The following KREMEN1 variants were observed in gnomAD, a reference collection of about 807,000 sequenced individuals.
KREMEN1 encodes the protein kremen protein 1.
Under a neutral mutation model 46.5 loss-of-function variants are expected in KREMEN1, and 30 were observed. That is an observed-to-expected ratio of 0.65 (90% CI 0.48 to 0.88). The LOEUF is 0.88. Among genes scored for constraint, KREMEN1 ranks in the 40% least tolerant of loss-of-function variants. The pLI, the probability that KREMEN1 is intolerant of heterozygous loss-of-function variation, is 0.00. For synonymous variants in KREMEN1, 214 were observed against 230.6 expected, an observed-to-expected ratio of 0.93 and a Z score of 0.65; for missense variants, 533 against 596.9, an observed-to-expected ratio of 0.89 and a Z score of 1.11.
At chr22:29,149,219 G>A (rs879377630), downstream of KREMEN1, among the ~76,000 whole-genome samples, 2 of 151,680 alleles carry the variant, frequency 1.3e-5, no homozygotes, top group Admixed American at 1.3e-4. Context: ...CTGGAGTGCA[G>A]TGGCGCTATT....
In KREMEN1 at chr22:29,137,444, C is replaced by T. The variant is rs2038681753; in HGVS notation, c.734C>T (p.Thr245Ile). Reference protein sequence around the residue: ...TYATGRVCYWTIRVPGASHIH... With the variant: ...TYATGRVCYWIIRVPGASHIH... ...GCCACGGGGAGGGTCTGCTACTGGA[C>T]CATCCGGGTTCCGGGGGCCTCCCAC... Residue 245 changes from threonine (T) to isoleucine (I), a missense_variant, in exon 6 of 9, where the codon ACC becomes ATC. Physicochemically the swap from Thr to Ile is moderately conservative, Grantham distance 89. Coordinates refer to ENST00000400335, the MANE Select transcript of KREMEN1 (RefSeq NM_001039570.3). 6.2e-7 allele frequency: 1 copy of T among 1,601,668 alleles called. No homozygotes were observed. The highest frequency in any genetic ancestry group is 1.1e-5 in the South Asian group (1 of 90,620).
At position 29,143,098 on chromosome 22, in the gene KREMEN1, C is replaced by G. The variant is rs183523521; in HGVS notation, c.*986C>G. 1.8e-5 allele frequency: 13 copies of G among 705,076 alleles called. No individual in the cohort carries two copies. The highest frequency in any genetic ancestry group is 2.3e-5 in the Non-Finnish European group (13 of 574,308). The allele number at this position is 705,076 out of a possible 1,614,324, so 43.7% of individuals were successfully genotyped here. On this transcript the variant is annotated 3_prime_UTR_variant, in exon 9 of 9. Transcript: ENST00000400335. ...CCAGGAGGCTGAGATTGCAGTGAGC[C>G]GAGATCGCACCACTGCACTCCAGCC...
At position 29,114,378 on chromosome 22, in the gene KREMEN1, C is replaced by T. The variant is rs533735011; in HGVS notation, c.353-6979C>T. 2.0e-5 allele frequency among the ~76,000 whole-genome samples: 3 copies of T among 148,768 alleles called. No homozygotes were observed. The East Asian group carries it at 6.1e-4, about 30-fold the overall frequency. On this transcript the variant is annotated intron_variant, in intron 3 of 8. Coordinates refer to ENST00000400335, the MANE Select transcript of KREMEN1 (RefSeq NM_001039570.3). Reference sequence around the variant, plus strand: ...GCGGGCACCTGTAACCCCAGCTACTCGGGAGGCTGAGGCAGGAGAATCACT... The same window carrying T: ...GCGGGCACCTGTAACCCCAGCTACTTGGGAGGCTGAGGCAGGAGAATCACT...
intron 9 of KREMEN1, among the ~76,000 whole-genome samples, chr22:29,166,803 C>T (rs1433028666): frequency 6.6e-6 from 1 of 152,124 alleles, no homozygotes; most frequent in Non-Finnish European, 1.5e-5. Flanking sequence ...TGTGGTGGCA[C>T]ATGCCTGTAA....
At chr22:29,110,078 C>T (rs1431874548) in intron 3 of KREMEN1, among the ~76,000 whole-genome samples, 1 of 152,202 alleles carries the variant, frequency 6.6e-6, no homozygotes, top group African/African-American at 2.4e-5. Flanking sequence ...GAGCCATCCC[C>T]AGCCGCAGTG....
chr22:29,079,831 A>C (rs2037627257), intron 1 of KREMEN1, among the ~76,000 whole-genome samples: 2 of 152,246 alleles, frequency 1.3e-5, no homozygotes, highest in East Asian at 3.8e-4. Context: ...ATGGCAACCA[A>C]GTAGTTCTCT....
At chr22:29,076,709 G>A (rs985794057) in intron 1 of KREMEN1, among the ~76,000 whole-genome samples, 21 of 152,072 alleles carry the variant, frequency 1.4e-4, no homozygotes, top group African/African-American at 4.3e-4. Context: ...AAAATTAGCC[G>A]GGCATGGTGG....
At chr22:29,091,036 C>T (rs1197396073) in intron 1 of KREMEN1, among the ~76,000 whole-genome samples, 5 of 152,198 alleles carry the variant, frequency 3.3e-5, no homozygotes, top group African/African-American at 9.7e-5. Context: ...TGCAAAGGCA[C>T]GATCTCGGCT....
chr22:29,120,046 T>G (rs1476909889), intron 3 of KREMEN1, among the ~76,000 whole-genome samples: 1 of 133,458 alleles, frequency 7.5e-6, no homozygotes, highest in East Asian at 2.1e-4. Context: ...GGAGAGGTGA[T>G]GATGGAAACA....
chr22:29,116,000 T>C (rs1246856315), intron 3 of KREMEN1, among the ~76,000 whole-genome samples: 1 of 152,062 alleles, frequency 6.6e-6, no homozygotes, highest in African/African-American at 2.4e-5. Context: ...AAGTTTGGAC[T>C]TTATCCTGGG....
intron 3 of KREMEN1, among the ~76,000 whole-genome samples, chr22:29,120,215 GAAGGAA>G (rs1378749643): frequency 7.0e-5 from 9 of 128,388 alleles, no homozygotes; most frequent in South Asian, 2.9e-4. Context: ...GAGAGGTGAT[GAAGGAA>G]ATGGAGGAGG....
At chr22:29,132,623 A>C (rs1204175630) in intron 5 of KREMEN1, among the ~76,000 whole-genome samples, 2 of 152,176 alleles carry the variant, frequency 1.3e-5, no homozygotes, top group Non-Finnish European at 2.9e-5. Flanking sequence ...CATTTCTCTA[A>C]TTACCAATGA....
In KREMEN1 at chr22:29,095,632, C is replaced by G. The variant is rs202151382; in HGVS notation, c.260+1212C>G. 2.1e-4 allele frequency among the ~76,000 whole-genome samples: 32 copies of G among 152,302 alleles called. No homozygotes were observed. The East Asian group carries it at 5.6e-3, about 27-fold the overall frequency. On this transcript the variant is annotated intron_variant, in intron 2 of 8. Coordinates refer to ENST00000400335, the MANE Select transcript of KREMEN1 (RefSeq NM_001039570.3). The stretch of plus-strand genomic sequence containing the variant: ...ATACATTGGAATCTCAACCATGGCA[C>G]TGTTGACGCAGCTGAGCCAACATAT...
intron 5 of KREMEN1, among the ~76,000 whole-genome samples, chr22:29,127,690 C>T (rs1404616867): frequency 6.6e-6 from 1 of 151,896 alleles, no homozygotes; most frequent in Non-Finnish European, 1.5e-5. Context: ...TTCCTCAAAA[C>T]GTGAACAGAG....
chr22:29,158,205 A>G (rs1282703830), intron 9 of KREMEN1, among the ~76,000 whole-genome samples: 2 of 152,202 alleles, frequency 1.3e-5, no homozygotes, highest in African/African-American at 4.8e-5. Context: ...CCAATTTGCA[A>G]TCTAGCCCCA....
At chr22:29,138,224 G>GT (rs1174622086) in intron 6 of KREMEN1, among the ~76,000 whole-genome samples, 1 of 152,248 alleles carries the variant, frequency 6.6e-6, no homozygotes, top group Non-Finnish European at 1.5e-5. Context: ...AAGAGTTCAG[G>GT]TAGTGTGTGC....
chr22:29,157,763 CA>C (rs962233792), intron 9 of KREMEN1, among the ~76,000 whole-genome samples: 9 of 152,216 alleles, frequency 5.9e-5, no homozygotes, highest in Non-Finnish European at 7.3e-5. Context: ...CCCCTAGATA[CA>C]TCCCCTGAGC....
chr22:29,126,806 T>A (rs1466213143), intron 5 of KREMEN1, among the ~76,000 whole-genome samples: 1 of 152,170 alleles, frequency 6.6e-6, no homozygotes, highest in Non-Finnish European at 1.5e-5. Flanking sequence ...AGTCAATTGG[T>A]TTTTTTAGCT....
intron 9 of KREMEN1, among the ~76,000 whole-genome samples, chr22:29,153,720 C>T (rs1052483849): frequency 2.0e-5 from 3 of 152,014 alleles, no homozygotes; most frequent in Non-Finnish European, 4.4e-5. Flanking sequence ...GTGGCTCATG[C>T]CTATAATCCC....
Sources: gnomAD v4.1 joint callset for allele counts (sites outside exome capture counted in the v4.1 genomes callset) on GRCh38, gnomAD v4.1.1 for gene constraint, MANE v1.5 for transcripts, NCBI Gene and HGNC (gene_info 2026-07-23, HGNC 2026-07-21) for gene names.